RBFOX1: variants seen among roughly 807,000 people sequenced by gnomAD.
The protein encoded by RBFOX1 is RNA binding protein fox-1 homolog 1.
A neutral mutation model predicts 57.7 loss-of-function variants in RBFOX1; 8 were observed. That is an observed-to-expected ratio of 0.14 (90% confidence interval 0.08 to 0.25). RBFOX1 has a LOEUF of 0.25. Ranked by LOEUF, RBFOX1 falls within the 10% of genes least tolerant of loss-of-function variation. RBFOX1 has a pLI of 1.00. For synonymous variants in RBFOX1, 326 were observed against 222.4 expected (o/e 1.47, Z -4.15); for missense variants, 611 against 548.5 (o/e 1.11, Z -1.14).
intron 4 of RBFOX1, among the ~76,000 whole-genome samples, chr16:7,166,379 G>T (rs537429337): frequency 9.2e-5 from 14 of 152,210 alleles, no homozygotes; most frequent in Admixed American, 2.6e-4. Context: ...TTACAGGTGA[G>T]GTTCTGAGGG....
chr16:6,701,479 C>G (rs1338248291), intron 3 of RBFOX1, among the ~76,000 whole-genome samples: 1 of 152,184 alleles, frequency 6.6e-6, no homozygotes, highest in Non-Finnish European at 1.5e-5. Context: ...TTATTTGACT[C>G]TTAGTTATGT....
At chr16:5,874,170 C>G (rs549557969) in intron 4 of RBFOX1, among the ~76,000 whole-genome samples, 2 of 152,182 alleles carry the variant, frequency 1.3e-5, no homozygotes, top group Non-Finnish European at 2.9e-5. Flanking sequence ...TTAACAGCAG[C>G]CTTTCCAATG....
rs202110785 is a variant in RBFOX1, at chr16:6,739,474, T to TC, written c.-16+84830dup. On this transcript the variant is annotated intron_variant, in intron 3 of 15. Transcript: ENST00000550418. The stretch of plus-strand genomic sequence containing the variant: ...AGGAAATTGAATTCATAATTTAACA[T>TC]CCCCCCTCCCCCCACCCCAAGGGAA... Among the ~76,000 whole-genome samples the TC allele has an allele frequency of 6.0e-5, 9 of 149,520 alleles. No individual in the cohort carries two copies. In the East Asian group the frequency reaches 7.9e-4, roughly 13 times the overall value.
intron 4 of RBFOX1, among the ~76,000 whole-genome samples, chr16:7,236,846 C>G (rs932908534): frequency 3.9e-5 from 6 of 152,198 alleles, no homozygotes; most frequent in African/African-American, 1.4e-4. Flanking sequence ...AGACTAGGTT[C>G]ACTGGAAGCA....
At chr16:5,566,825 G>T (rs545808032) in intron 2 of RBFOX1, among the ~76,000 whole-genome samples, 9 of 151,974 alleles carry the variant, frequency 5.9e-5, no homozygotes, top group Non-Finnish European at 1.3e-4. Flanking sequence ...CAGACACACC[G>T]CATCGACTCA....
rs530369703 is a variant in RBFOX1 at position 6,282,943 on chromosome 16, C to A, written c.-126-34052C>A. ...CCTACTCAGTTCATAGTTAAGAGAA[C>A]CCTCACTTGAAGAGATGAAGAACTC... On this transcript the variant is annotated intron_variant, in intron 1 of 15. Transcript: ENST00000550418. Among the ~76,000 whole-genome samples the A allele has an allele frequency of 3.3e-5, 5 of 152,292 alleles. No individual in the cohort carries two copies. The South Asian group carries it at 1.0e-3, about 32-fold the overall frequency.
chr16:7,376,861 C>T (rs1596854353), intron 4 of RBFOX1, among the ~76,000 whole-genome samples: 1 of 152,116 alleles, frequency 6.6e-6, no homozygotes, highest in Non-Finnish European at 1.5e-5. Context: ...TCTCTTGAAA[C>T]ATAAAACTTC....
intron 3 of RBFOX1, among the ~76,000 whole-genome samples, chr16:6,964,457 A>G (rs2083669027): frequency 6.6e-6 from 1 of 152,108 alleles, no homozygotes. Flanking sequence ...TCTTTGGGTG[A>G]TTGTGATGTG....
intron 3 of RBFOX1, among the ~76,000 whole-genome samples, chr16:7,012,217 C>T (rs765166717): frequency 6.6e-6 from 1 of 152,142 alleles, no homozygotes; most frequent in East Asian, 1.9e-4. Flanking sequence ...TTTTGTTCAA[C>T]TTGCTTAACT....
intron 3 of RBFOX1, among the ~76,000 whole-genome samples, chr16:6,853,143 C>G (rs1375339469): frequency 6.6e-6 from 1 of 152,164 alleles, no homozygotes; most frequent in Non-Finnish European, 1.5e-5. Flanking sequence ...GGGAAAGCTG[C>G]TTAACTTCTC....
chr16:5,773,548 A>G (rs1175645283), intron 3 of RBFOX1, among the ~76,000 whole-genome samples: 1 of 152,252 alleles, frequency 6.6e-6, no homozygotes, highest in African/African-American at 2.4e-5. Context: ...TTATTGATGG[A>G]CATTTAGGAT....
chr16:5,774,758 C>T (rs1024179945), intron 3 of RBFOX1, among the ~76,000 whole-genome samples: 4 of 152,172 alleles, frequency 2.6e-5, no homozygotes, highest in South Asian at 2.1e-4. Flanking sequence ...TCTTGGCTCA[C>T]GGCAACTTCC....
intron 2 of RBFOX1, among the ~76,000 whole-genome samples, chr16:5,577,370 T>A (rs573764669): frequency 6.6e-6 from 1 of 151,726 alleles, no homozygotes; most frequent in East Asian, 1.9e-4. Flanking sequence ...GGCGGGGGGG[T>A]CTCACCTCCT....
intron 2 of RBFOX1, among the ~76,000 whole-genome samples, chr16:6,589,769 C>CT (rs1356818319): frequency 1.3e-5 from 2 of 152,134 alleles, no homozygotes; most frequent in African/African-American, 4.8e-5. Context: ...AAACTATAAA[C>CT]TAGGTTATTT....
At chr16:5,525,918 T>C (rs540064771) in intron 2 of RBFOX1, among the ~76,000 whole-genome samples, 1 of 152,244 alleles carries the variant, frequency 6.6e-6, no homozygotes, top group East Asian at 1.9e-4. Context: ...GGCTAGTGCC[T>C]CTTTACTTGA....
At chr16:7,485,576 C>G (rs528654424) in intron 4 of RBFOX1, among the ~76,000 whole-genome samples, 35 of 152,214 alleles carry the variant, frequency 2.3e-4, no homozygotes, top group African/African-American at 8.2e-4. Flanking sequence ...CCCCAGATGG[C>G]TTGTCCCTAC....
At chr16:7,281,802 C>G (rs1323078263) in intron 4 of RBFOX1, among the ~76,000 whole-genome samples, 5 of 152,050 alleles carry the variant, frequency 3.3e-5, no homozygotes, top group Non-Finnish European at 7.4e-5. Flanking sequence ...CTCTGCAGAC[C>G]AAAATAATCT....
chr16:6,270,575 C>G (rs1297367792), intron 1 of RBFOX1, among the ~76,000 whole-genome samples: 2 of 151,184 alleles, frequency 1.3e-5, no homozygotes, highest in Non-Finnish European at 2.9e-5. Context: ...CAGAGCTACA[C>G]AATATATGAA....
chr16:6,747,337 G>A (rs151058139), intron 3 of RBFOX1, among the ~76,000 whole-genome samples: 1 of 152,118 alleles, frequency 6.6e-6, no homozygotes, highest in East Asian at 1.9e-4. Context: ...AACCTAGGAG[G>A]TAGAGATTGT....
Sources: allele counts gnomAD v4.1 joint callset (sites outside exome capture counted in the v4.1 genomes callset), GRCh38; gene constraint gnomAD v4.1.1; transcripts MANE v1.5; gene names NCBI Gene and HGNC (gene_info 2026-07-23, HGNC 2026-07-21).